PRKG1: variants seen among roughly 807,000 people sequenced by gnomAD.
The protein encoded by PRKG1 is cGMP-dependent protein kinase 1.
PRKG1 carries 35 observed loss-of-function variants against 88.1 expected under a neutral mutation model. That is an observed-to-expected ratio of 0.40 (90% confidence interval 0.30 to 0.53). The LOEUF is 0.53. Ranked by LOEUF, PRKG1 falls within the 20% of genes least tolerant of loss-of-function variation. PRKG1 has a pLI of 0.59. For synonymous variants in PRKG1, 303 were observed against 292.5 expected, an observed-to-expected ratio of 1.04 and a Z score of -0.37; for missense variants, 540 against 839.8, an observed-to-expected ratio of 0.64 and a Z score of 4.41.
intron 1 of PRKG1, among the ~76,000 whole-genome samples, chr10:51,151,182 A>G (rs779436612): frequency 1.4e-4 from 22 of 151,880 alleles, no homozygotes; most frequent in Non-Finnish European, 3.1e-4. Context: ...AACGTAATGC[A>G]ATTTGACCAA....
chr10:51,034,664 T>TTTTATA (rs1554831102), intron 1 of PRKG1, among the ~76,000 whole-genome samples: 7 of 9,946 alleles, frequency 7.0e-4, no homozygotes, highest in African/African-American at 3.1e-3. Flanking sequence ...ATATAATATG[T>TTTTATA]TATTTATATA....
chr10:51,979,818 A>T (rs1161905770), intron 5 of PRKG1, among the ~76,000 whole-genome samples: 1 of 151,772 alleles, frequency 6.6e-6, no homozygotes, highest in East Asian at 1.9e-4. Flanking sequence ...TTTTGATAAT[A>T]TTCAGGTCAG....
intron 2 of PRKG1, among the ~76,000 whole-genome samples, chr10:51,432,638 G>A (rs1838802770): frequency 6.6e-6 from 1 of 151,772 alleles, no homozygotes; most frequent in South Asian, 2.1e-4. Flanking sequence ...GGAAGAAAAG[G>A]TCTACCAGGG....
intron 1 of PRKG1, among the ~76,000 whole-genome samples, chr10:51,108,082 A>G (rs1232802637): frequency 1.8e-4 from 28 of 152,186 alleles, no homozygotes; most frequent in Non-Finnish European, 5.9e-5. Flanking sequence ...ACAGCAGTGT[A>G]TCTATCAAAT....
intron 5 of PRKG1, among the ~76,000 whole-genome samples, chr10:52,009,477 G>A (rs1325920780): frequency 1.3e-5 from 2 of 152,038 alleles, no homozygotes; most frequent in Non-Finnish European, 2.9e-5. Flanking sequence ...GAAGGTGAAA[G>A]ATCTCTACAA....
intron 9 of PRKG1, among the ~76,000 whole-genome samples, chr10:52,183,056 G>A (rs1206423796): frequency 6.6e-6 from 1 of 152,182 alleles, no homozygotes; most frequent in African/African-American, 2.4e-5. Context: ...CAGATCTCAT[G>A]TAAACTCATA....
intron 6 of PRKG1, among the ~76,000 whole-genome samples, chr10:52,059,875 A>G (rs1277345428): frequency 6.6e-6 from 1 of 151,970 alleles, no homozygotes; most frequent in Non-Finnish European, 1.5e-5. Flanking sequence ...TACCATTTCA[A>G]AAATCAAGTA....
At position 52,289,067 on chromosome 10, in the gene PRKG1, G is replaced by A. The variant is rs933992193; in HGVS notation, c.1895+74G>A. ...GGGTGTTGCTTTTTAAGTTATTGGT[G>A]TAAAACTAGTATAATTAGCCTATAG... is the stretch of plus-strand genomic sequence containing the variant. On this transcript the variant is annotated intron_variant, in intron 16 of 17. Transcript: ENST00000373980. 4 of 1,376,150 alleles carry A rather than the reference G, an allele frequency of 2.9e-6. No homozygotes were observed. The Admixed American group carries it at 6.0e-5, about 21-fold the overall frequency. The allele number at this position is 1,376,150 out of a possible 1,614,324, so 85.2% of individuals were successfully genotyped here. A position where few individuals can be genotyped will look rare whatever the true frequency, so the allele number is the denominator to read the frequency against.
intron 3 of PRKG1, among the ~76,000 whole-genome samples, chr10:51,782,396 T>G (rs1838616049): frequency 6.6e-6 from 1 of 152,122 alleles, no homozygotes; most frequent in East Asian, 1.9e-4. Flanking sequence ...CAGGTAATGT[T>G]TATTTAATAC....
chr10:51,012,125 G>A (rs973435876), intron 1 of PRKG1, among the ~76,000 whole-genome samples: 3 of 152,176 alleles, frequency 2.0e-5, no homozygotes, highest in African/African-American at 7.2e-5. Flanking sequence ...ATGAGATTGG[G>A]GTAGGAACTA....
At chr10:51,090,393 G>T (rs1489846359) in intron 1 of PRKG1, among the ~76,000 whole-genome samples, 1 of 152,132 alleles carries the variant, frequency 6.6e-6, no homozygotes, top group African/African-American at 2.4e-5. Flanking sequence ...GGAAGATTGA[G>T]TGACAGAAAG....
chr10:51,412,638 T>C (rs1372215122), intron 2 of PRKG1, among the ~76,000 whole-genome samples: 1 of 152,144 alleles, frequency 6.6e-6, no homozygotes, highest in African/African-American at 2.4e-5. Context: ...AGCAAGACTC[T>C]GTCTCAAACA....
At chr10:51,654,672 C>T (rs1169734976) in intron 3 of PRKG1, among the ~76,000 whole-genome samples, 1 of 152,030 alleles carries the variant, frequency 6.6e-6, no homozygotes, top group Non-Finnish European at 1.5e-5. Context: ...ATTTTAATAG[C>T]TAAAAATGGA....
intron 5 of PRKG1, among the ~76,000 whole-genome samples, chr10:52,005,246 C>T (rs1265741456): frequency 8.5e-6 from 1 of 117,558 alleles, no homozygotes; most frequent in Non-Finnish European, 1.6e-5. Flanking sequence ...AAGGGTAATG[C>T]CCATCTTTTT....
intron 4 of PRKG1, among the ~76,000 whole-genome samples, chr10:51,840,494 C>T (rs965885658): frequency 2.0e-5 from 3 of 151,414 alleles, no homozygotes; most frequent in African/African-American, 7.3e-5. Flanking sequence ...GTAATGCCAC[C>T]TATGTCTTTA....
intron 8 of PRKG1, among the ~76,000 whole-genome samples, chr10:52,160,529 C>A (rs1838250118): frequency 6.6e-6 from 1 of 151,928 alleles, no homozygotes; most frequent in African/African-American, 2.4e-5. Flanking sequence ...ATTCTGGTTA[C>A]CATGCACTCT....
intron 3 of PRKG1, among the ~76,000 whole-genome samples, chr10:51,716,236 T>G (rs1841882432): frequency 6.6e-6 from 1 of 152,292 alleles, no homozygotes; most frequent in South Asian, 2.1e-4. Flanking sequence ...AATTACATCT[T>G]TTATTTGGCT....
At chr10:52,262,176 T>C (rs1910541) in intron 10 of PRKG1, among the ~76,000 whole-genome samples, 5,925 of 152,246 alleles carry the variant, frequency 0.039, 484 homozygotes, top group East Asian at 0.34. Context: ...ATCATTCTTA[T>C]ATAACACTTC....
chr10:51,310,251 A>G (rs1299453928), intron 2 of PRKG1, among the ~76,000 whole-genome samples: 1 of 152,194 alleles, frequency 6.6e-6, no homozygotes, highest in Non-Finnish European at 1.5e-5. Context: ...AAACCCCCCA[A>G]AAATTTCCTA....
Sources: allele counts gnomAD v4.1 joint callset (sites outside exome capture counted in the v4.1 genomes callset), GRCh38; gene constraint gnomAD v4.1.1; transcripts MANE v1.5; gene names NCBI Gene and HGNC (gene_info 2026-07-23, HGNC 2026-07-21).